The following PIGU variants were observed in gnomAD, a reference collection of about 807,000 sequenced individuals.
The protein encoded by PIGU is phosphatidylinositol glycan anchor biosynthesis class U.
A neutral mutation model predicts 49.9 loss-of-function variants in PIGU; 24 were observed. That is an observed-to-expected ratio of 0.48 (90% CI 0.35 to 0.68). The LOEUF (loss-of-function observed/expected upper bound fraction) is 0.68, where lower values mean the gene tolerates loss of function less well. Ranked by LOEUF, PIGU falls within the 30% of genes least tolerant of loss-of-function variation. The probability of loss-of-function intolerance (pLI) is 0.01; values close to 1 mark genes in which losing one functional copy is unlikely to be tolerated. For synonymous variants in PIGU, 220 were observed against 205.7 expected (o/e 1.07, Z -0.59); for missense variants, 490 against 532.6 (o/e 0.92, Z 0.79).
chr20:34,616,259 C>G, intron 6 of PIGU, 120 bp from the exon 7 acceptor site: 1 of 1,084,494 alleles, frequency 9.2e-7, no homozygotes, highest in Non-Finnish European at 1.3e-6. Flanking sequence ...CCAAGTGCCT[C>G]CTGGTACACA....
chr20:34,593,793 T>C (rs1002126664), intron 7 of PIGU, among the ~76,000 whole-genome samples: 5 of 152,148 alleles, frequency 3.3e-5, no homozygotes, highest in African/African-American at 1.2e-4. Flanking sequence ...CATGGTGAAC[T>C]TGTCTTTAAC....
chr20:34,644,880 A>C (rs1986283254), intron 3 of PIGU, among the ~76,000 whole-genome samples: 2 of 152,232 alleles, frequency 1.3e-5, no homozygotes, highest in Admixed American at 1.3e-4. Context: ...TATATAGTCC[A>C]GAAACCAAAT....
chr20:34,644,381 A>C (rs1466916086), intron 3 of PIGU, among the ~76,000 whole-genome samples, 155 bp from the exon 4 acceptor site: 1 of 152,214 alleles, frequency 6.6e-6, no homozygotes, highest in East Asian at 1.9e-4. Flanking sequence ...TGACTACCCA[A>C]AGATAAGGCC....
At chr20:34,570,888 AG>A (rs1309635776) in intron 11 of PIGU, among the ~76,000 whole-genome samples, 1 of 152,208 alleles carries the variant, frequency 6.6e-6, no homozygotes, top group Non-Finnish European at 1.5e-5. Flanking sequence ...ACAAAATAAA[AG>A]GGTTAAAAAA....
chr20:34,669,844 G>A (rs1987251727), intron 1 of PIGU, among the ~76,000 whole-genome samples: 1 of 152,060 alleles, frequency 6.6e-6, no homozygotes, highest in Non-Finnish European at 1.5e-5. Flanking sequence ...AAACACTATG[G>A]AAGAGAAAGG....
chr20:34,604,764 C>G (rs546200778), intron 7 of PIGU, among the ~76,000 whole-genome samples: 2 of 152,290 alleles, frequency 1.3e-5, no homozygotes, highest in South Asian at 4.1e-4. Flanking sequence ...TAACCTGACC[C>G]AAGCTCCAGA....
chr20:34,585,350 C>T, intron 9 of PIGU, 87 bp downstream of exon 9: 1 of 1,460,074 alleles, frequency 6.8e-7, no homozygotes, highest in Non-Finnish European at 9.3e-7. Context: ...AGGTGCTCCA[C>T]ATTTGAAGGC....
chr20:34,595,032 C>T (rs1465460106), intron 7 of PIGU, among the ~76,000 whole-genome samples: 26 of 130,774 alleles, frequency 2.0e-4, no homozygotes, highest in Non-Finnish European at 3.1e-4. Flanking sequence ...GCGGACGGAG[C>T]TTGCAGTGAG....
intron 1 of PIGU, 90 bp downstream of exon 1, chr20:34,676,866 G>A: frequency 1.4e-6 from 2 of 1,432,122 alleles, no homozygotes. Context: ...TAGGAACCGC[G>A]CGCTGGCGGT....
chr20:34,602,118 T>C, intron 7 of PIGU, among the ~76,000 whole-genome samples: 2 of 151,634 alleles, frequency 1.3e-5, no homozygotes, highest in Non-Finnish European at 2.9e-5. Context: ...CCCGTCTCCA[T>C]TAAAAATACA....
intron 7 of PIGU, among the ~76,000 whole-genome samples, chr20:34,600,775 C>G (rs927473998): frequency 6.6e-6 from 1 of 152,086 alleles, no homozygotes; most frequent in Admixed American, 6.5e-5. Flanking sequence ...TGGCTCACAC[C>G]TATAATCCCA....
At chr20:34,672,052 C>T (rs1169709434) in intron 1 of PIGU, among the ~76,000 whole-genome samples, 1 of 152,186 alleles carries the variant, frequency 6.6e-6, no homozygotes, top group African/African-American at 2.4e-5. Context: ...AATCCTCCTG[C>T]CTTAGCGTCC....
At chr20:34,641,222 G>A (rs1224984249) in intron 4 of PIGU, among the ~76,000 whole-genome samples, 1 of 152,138 alleles carries the variant, frequency 6.6e-6, no homozygotes, top group Non-Finnish European at 1.5e-5. Context: ...CGGCTATAAA[G>A]GGCTTTTTCT....
intron 6 of PIGU, among the ~76,000 whole-genome samples, chr20:34,629,694 T>G (rs1985627566): frequency 6.6e-6 from 1 of 152,210 alleles, no homozygotes; most frequent in Non-Finnish European, 1.5e-5. Context: ...ACTAGCTAAT[T>G]GATACAAGAT....
chr20:34,622,228 T>C (rs1255791383), intron 6 of PIGU, among the ~76,000 whole-genome samples: 2 of 152,092 alleles, frequency 1.3e-5, no homozygotes, highest in Non-Finnish European at 2.9e-5. Flanking sequence ...CAATAAAAAG[T>C]TACAATCCGG....
At chr20:34,659,231 C>T (rs1986836649) in intron 1 of PIGU, among the ~76,000 whole-genome samples, 2 of 144,992 alleles carry the variant, frequency 1.4e-5, no homozygotes, top group Admixed American at 6.8e-5. Flanking sequence ...CCCGGCCAGC[C>T]GCCCCGTCCG....
chr20:34,617,093 A>G (rs1222913097), intron 6 of PIGU, among the ~76,000 whole-genome samples: 1 of 152,224 alleles, frequency 6.6e-6, no homozygotes, highest in African/African-American at 2.4e-5. Flanking sequence ...CTGGGTGTCC[A>G]GGCAAAAGTT....
At chr20:34,590,819 G>A (rs1392808372) in intron 7 of PIGU, among the ~76,000 whole-genome samples, 3 of 151,924 alleles carry the variant, frequency 2.0e-5, no homozygotes, top group African/African-American at 7.2e-5. Flanking sequence ...TCAGGAGATC[G>A]AGACCATCCT....
At chr20:34,588,096 A>G (rs1392298586) in intron 8 of PIGU, among the ~76,000 whole-genome samples, 1 of 152,112 alleles carries the variant, frequency 6.6e-6, no homozygotes, top group African/African-American at 2.4e-5. Context: ...TACTAAAAAT[A>G]CAAAAATTAG....
Sources: gnomAD v4.1 joint callset for allele counts (sites outside exome capture counted in the v4.1 genomes callset) on GRCh38, gnomAD v4.1.1 for gene constraint, MANE v1.5 for transcripts, NCBI Gene and HGNC (gene_info 2026-07-23, HGNC 2026-07-21) for gene names.